WDR17: variants seen among roughly 807,000 people sequenced by gnomAD.
The protein encoded by WDR17 is WD repeat-containing protein 17.
Under a neutral mutation model 161.7 loss-of-function variants are expected in WDR17, and 143 were observed. The ratio of observed to expected loss-of-function variants is 0.88; its 90% CI spans 0.77 to 1.02. The LOEUF (loss-of-function observed/expected upper bound fraction) is 1.02, where lower values mean the gene tolerates loss of function less well. Ranked by LOEUF, WDR17 falls within the 50% of genes least tolerant of loss-of-function variation. The pLI is 0.00. For synonymous variants in WDR17, 517 were observed against 515.6 expected (o/e 1.00, Z -0.04); for missense variants, 1,469 against 1,520.9 (o/e 0.97, Z 0.57).
chr4:176,082,772 T>G (rs72706339), intron 1 of WDR17, among the ~76,000 whole-genome samples: 16,700 of 152,114 alleles, frequency 0.11, 1,127 homozygotes, highest in East Asian at 0.29. Flanking sequence ...CAATGTTAGA[T>G]TCATCTGCAT....
chr4:176,092,063 T>C (rs1384309798), intron 1 of WDR17, among the ~76,000 whole-genome samples: 1 of 152,076 alleles, frequency 6.6e-6, no homozygotes, highest in African/African-American at 2.4e-5. Context: ...TTCTATAAAA[T>C]AGAGGAGGAA....
chr4:176,097,312 C>G (rs1222170443), intron 1 of WDR17, among the ~76,000 whole-genome samples: 1 of 151,828 alleles, frequency 6.6e-6, no homozygotes, highest in Non-Finnish European at 1.5e-5. Context: ...AGACTATGTG[C>G]AGTTTTACTA....
chr4:176,182,625 A>T lies in WDR17; in HGVS notation c.*3046A>T, dbSNP rs1752271582. 6.6e-6 allele frequency: 1 copy of T among 152,092 alleles called. No homozygotes were observed. Among genetic ancestry groups the T allele is most frequent in the African/African-American group, 2.4e-5 (1 of 41,430 alleles). The allele number at this position is 152,092 out of a possible 1,614,324, so 9.4% of individuals were successfully genotyped here. A position where few individuals can be genotyped will look rare whatever the true frequency, so the allele number is the denominator to read the frequency against. ...TATCAGTAATATAGAAGACATCTTT[A>T]TAGTCAACTCTTAATTAATGCTTAT... On this transcript the variant is annotated 3_prime_UTR_variant, in exon 29 of 29. Transcript: ENST00000508596. The surrounding 1 kb of genome is among the most constrained non-coding windows in gnomAD (Gnocchi z 4.2).
At chr4:176,094,191 C>T (rs1736499440) in intron 1 of WDR17, among the ~76,000 whole-genome samples, 1 of 152,182 alleles carries the variant, frequency 6.6e-6, no homozygotes, top group Non-Finnish European at 1.5e-5. Context: ...TACTTAGATA[C>T]ATTTCCTTAG....
chr4:176,125,008 A>G (rs1255713418), intron 4 of WDR17, 96 bp from the exon 5 acceptor site: 11 of 1,364,708 alleles, frequency 8.1e-6, no homozygotes, highest in Middle Eastern at 1.9e-4. Flanking sequence ...CAATACCCTC[A>G]GAGATAGATA....
At position 176,131,610 on chromosome 4, in the gene WDR17, C is replaced by T; in HGVS notation, c.970C>T (p.Pro324Ser). 1 of 1,613,370 alleles carries T rather than the reference C, an allele frequency of 6.2e-7. No homozygotes were observed. Among genetic ancestry groups the T allele is most frequent in the East Asian group, 2.2e-5 (1 of 44,784 alleles). ...TACATCCTCAACAAGCGAAGCAGTT[C>T]CACCCCCAACTTTAACACAGAATCA... ...HYTSSTSEAV[P>S]PPTLTQNQAF... is the part of the protein sequence containing the mutation. Residue 324 changes from proline to serine, a missense_variant, in exon 7 of 29, where the codon CCA becomes TCA. Physicochemically the swap from Pro to Ser is moderately conservative, Grantham distance 74. Coordinates refer to ENST00000508596, the MANE Select transcript of WDR17 (RefSeq NM_181265.4).
chr4:176,166,793 A>G (rs893221080), intron 22 of WDR17, among the ~76,000 whole-genome samples: 1 of 152,084 alleles, frequency 6.6e-6, no homozygotes, highest in Admixed American at 6.6e-5. Context: ...CAGCTAAACT[A>G]CTCTAACTTG....
chr4:176,163,085 G>A (rs1264645491), intron 21 of WDR17, 69 bp from the exon 22 acceptor site: 16 of 1,577,612 alleles, frequency 1.0e-5, no homozygotes, highest in Non-Finnish European at 1.3e-5. Context: ...TGCTTTATGA[G>A]CTTGGAGGGG....
intron 1 of WDR17, among the ~76,000 whole-genome samples, chr4:176,099,876 G>C (rs1025424392): frequency 6.6e-6 from 1 of 152,068 alleles, no homozygotes; most frequent in Non-Finnish European, 1.5e-5. Context: ...TTTCACTTAA[G>C]ATAATGACCT....
chr4:176,177,400 A>C, intron 27 of WDR17, 71 bp from the exon 28 acceptor site: 1 of 1,348,268 alleles, frequency 7.4e-7, no homozygotes, highest in Non-Finnish European at 1.0e-6. Flanking sequence ...CATCAGGGAT[A>C]ATTTCTAATC....
intron 10 of WDR17, among the ~76,000 whole-genome samples, chr4:176,140,229 T>C (rs937244759): frequency 6.6e-6 from 1 of 152,108 alleles, no homozygotes; most frequent in African/African-American, 2.4e-5. Context: ...TGAATTATTA[T>C]GAAAAGACTC....
chr4:176,128,821 C>T lies in WDR17; in HGVS notation c.874C>T (p.His292Tyr). Residue 292 changes from histidine to tyrosine, a missense_variant, in exon 6 of 29, where the codon CAC becomes TAC. By Grantham distance (83) the His-to-Tyr change is moderately conservative. Transcript: ENST00000508596. Reference protein sequence around the residue: ...DNLKLKKTGFHCLHVLNSPPR... With the variant: ...DNLKLKKTGFYCLHVLNSPPR... ...TCTTAAATTAAAGAAAACAGGATTT[C>T]ACTGCTTACATGTACTTAATTCTCC... is the stretch of plus-strand genomic sequence containing the variant. The T allele has an allele frequency of 6.2e-7, 1 of 1,603,828 alleles. No homozygotes were observed. Among genetic ancestry groups the T allele is most frequent in the Non-Finnish European group, 8.5e-7 (1 of 1,175,256 alleles).
At chr4:176,081,933 A>G (rs888757161) in intron 1 of WDR17, among the ~76,000 whole-genome samples, 3 of 152,136 alleles carry the variant, frequency 2.0e-5, no homozygotes, top group Non-Finnish European at 4.4e-5. Context: ...CACCTGTACC[A>G]AAAGAATGTG....
At chr4:176,070,369 T>C (rs1239674159) in intron 1 of WDR17, among the ~76,000 whole-genome samples, 1 of 152,174 alleles carries the variant, frequency 6.6e-6, no homozygotes, top group Non-Finnish European at 1.5e-5. Context: ...GATCTGTGCC[T>C]GGGCCCTACC....
In WDR17 at chr4:176,102,805, G is replaced by C. The variant is rs537313610; in HGVS notation, c.-6-8770G>C. Among the ~76,000 whole-genome samples the C allele has an allele frequency of 2.0e-4, 31 of 152,288 alleles. No homozygotes were observed. The East Asian group carries it at 4.0e-3, about 20-fold the overall frequency. ...GAAGGCTTGCAACTTCCAGGGGAAG[G>C]CTTGGATGATAAGTTGAAGTTAGTA... On this transcript the variant is annotated intron_variant, in intron 1 of 28. Coordinates refer to ENST00000508596, the MANE Select transcript of WDR17 (RefSeq NM_181265.4).
intron 18 of WDR17, among the ~76,000 whole-genome samples, chr4:176,157,985 G>A (rs549164483): frequency 1.3e-5 from 2 of 152,316 alleles, no homozygotes; most frequent in East Asian, 1.9e-4. Flanking sequence ...TGTAGCTGGA[G>A]TGCAGGAGCC....
chr4:176,151,861 G>T lies in WDR17; in HGVS notation c.2354G>T (p.Gly785Val). The T allele has an allele frequency of 1.2e-6, 2 of 1,611,532 alleles. No individual in the cohort carries two copies. The highest frequency in any genetic ancestry group is 1.7e-5 in the Admixed American group (1 of 59,582). Residue 785 changes from glycine to valine, a missense_variant, in exon 17 of 29, where the codon GGT (glycine) becomes GTT (valine). Coordinates refer to ENST00000508596, the MANE Select transcript of WDR17 (RefSeq NM_181265.4). ...GTCAAGATGTCTAAATTTGGTGGTG[G>T]TATTGGTGTACCTGCTAAAGAGGAA... ...TTVKMSKFGG[G>V]IGVPAKEERL...
At chr4:176,068,691 T>C (rs1732833898) in intron 1 of WDR17, among the ~76,000 whole-genome samples, 1 of 152,186 alleles carries the variant, frequency 6.6e-6, no homozygotes, top group African/African-American at 2.4e-5. Context: ...ATCAGAAACA[T>C]ATGAAACTTA....
intron 1 of WDR17, among the ~76,000 whole-genome samples, chr4:176,092,281 AGGATGGTTC>A (rs1377450934): frequency 6.6e-6 from 1 of 152,212 alleles, no homozygotes; most frequent in Non-Finnish European, 1.5e-5. Context: ...CAGGGATGCA[AGGATGGTTC>A]AACATATGCA....
Sources: allele counts gnomAD v4.1 joint callset (sites outside exome capture counted in the v4.1 genomes callset), GRCh38; gene constraint gnomAD v4.1.1; non-coding constraint Gnocchi (gnomAD v3.1); transcripts MANE v1.5; gene names NCBI Gene and HGNC (gene_info 2026-07-23, HGNC 2026-07-21).